Variants in PACRG observed in about 807,000 individuals in gnomAD.
The protein encoded by PACRG is parkin coregulated gene protein.
In PACRG, 29 loss-of-function variants were observed where a neutral mutation model predicts 29.7. The ratio of observed to expected loss-of-function variants is 0.98; its 90% confidence interval spans 0.73 to 1.33. PACRG has a LOEUF of 1.33. Among genes scored for constraint, PACRG ranks in the 40% most tolerant of loss-of-function variants. The pLI, the probability that PACRG is intolerant of heterozygous loss-of-function variation, is 0.00. For synonymous variants in PACRG, 116 were observed against 118.7 expected, an observed-to-expected ratio of 0.98 and a Z score of 0.15; for missense variants, 279 against 316.2, an observed-to-expected ratio of 0.88 and a Z score of 0.89.
chr6:163,148,211 G>T (rs1012299237), intron 4 of PACRG, among the ~76,000 whole-genome samples: 3 of 152,116 alleles, frequency 2.0e-5, no homozygotes, highest in African/African-American at 7.2e-5. Flanking sequence ...GAGCATCCAT[G>T]GCCATTAGAG....
chr6:162,756,740 C>T (rs1186157078), intron 1 of PACRG, among the ~76,000 whole-genome samples: 1 of 151,880 alleles, frequency 6.6e-6, no homozygotes, highest in African/African-American at 2.4e-5. Flanking sequence ...CTCTTGCTAT[C>T]TTTCTTTGTG....
intron 4 of PACRG, among the ~76,000 whole-genome samples, chr6:163,299,924 C>T (rs1017008200): frequency 6.6e-6 from 1 of 152,130 alleles, no homozygotes; most frequent in East Asian, 1.9e-4. Flanking sequence ...GACTGAGGAC[C>T]CACCATCACA....
At chr6:162,883,454 T>C (rs1794069631) in intron 2 of PACRG, among the ~76,000 whole-genome samples, 1 of 152,226 alleles carries the variant, frequency 6.6e-6, no homozygotes, top group South Asian at 2.1e-4. Context: ...AGTTCCCCTT[T>C]CATTCCTCTC....
Position 163,055,339 on chromosome 6 carries a change from CAT to C in PACRG, c.292-6810_292-6809del, listed in dbSNP as rs1422662865. ...ACACATATCCAGGTGTGCACACACA[CAT>C]GCACACACACACGCACACACACGCA... On this transcript the variant is annotated intron_variant, in intron 2 of 4. Transcript: ENST00000366888. The surrounding 1 kb of genome is among the most constrained non-coding windows in gnomAD (Gnocchi z 4.0). Among the ~76,000 whole-genome samples the C allele has an allele frequency of 9.3e-6, 1 of 107,772 alleles. No individual in the cohort carries two copies. The highest frequency in any genetic ancestry group is 3.7e-5 in the African/African-American group (1 of 27,004). The allele number at this position is 107,772 out of a possible 152,430, so 70.7% of individuals were successfully genotyped here.
chr6:162,845,793 A>G (rs1303471591), intron 2 of PACRG, among the ~76,000 whole-genome samples: 1 of 152,212 alleles, frequency 6.6e-6, no homozygotes, highest in East Asian at 1.9e-4. Flanking sequence ...GTTAAAATTA[A>G]TTGCCAGTTT....
At chr6:163,203,608 G>A (rs148983032) in intron 4 of PACRG, among the ~76,000 whole-genome samples, 2 of 152,180 alleles carry the variant, frequency 1.3e-5, no homozygotes, top group Non-Finnish European at 2.9e-5. Flanking sequence ...AGCGCATCAC[G>A]CTGGCAGGGC....
In PACRG at chr6:162,728,004, GC is replaced by G. The variant is rs1278442629; in HGVS notation, c.-231del. On this transcript the variant is annotated 5_prime_UTR_variant, in exon 1 of 5. Coordinates refer to ENST00000366888, the MANE Select transcript of PACRG (RefSeq NM_001080379.2). ...GCAACCGGGAGGCTTACCTTTGGAA[GC>G]TTGTTGCAGCTCTAGCCAAGGTCCT... 1 of 632,680 alleles carries G rather than the reference GC, an allele frequency of 1.6e-6. No individual in the cohort carries two copies. The highest frequency in any genetic ancestry group is 1.8e-5 in the African/African-American group (1 of 54,378). The allele number at this position is 632,680 out of a possible 1,614,324, so 39.2% of individuals were successfully genotyped here. A position where few individuals can be genotyped will look rare whatever the true frequency, so the allele number is the denominator to read the frequency against.
intron 1 of PACRG, among the ~76,000 whole-genome samples, chr6:162,782,738 T>G (rs1042714571): frequency 2.0e-5 from 3 of 151,874 alleles, no homozygotes; most frequent in African/African-American, 7.2e-5. Context: ...TGGACCATAT[T>G]AACTTAATTC....
chr6:162,969,309 G>T (rs937080054), intron 2 of PACRG, among the ~76,000 whole-genome samples: 2 of 151,966 alleles, frequency 1.3e-5, no homozygotes, highest in Non-Finnish European at 2.9e-5. Context: ...TCAAGGGATT[G>T]GTGAGAACCT....
chr6:163,280,270 C>T (rs760184457), intron 4 of PACRG, among the ~76,000 whole-genome samples: 2 of 152,206 alleles, frequency 1.3e-5, no homozygotes, highest in African/African-American at 2.4e-5. Flanking sequence ...CTCCTCTGAA[C>T]GTCCTGCTCT....
intron 2 of PACRG, among the ~76,000 whole-genome samples, chr6:162,985,148 CATA>C (rs1802775484): frequency 1.3e-5 from 2 of 152,030 alleles, no homozygotes; most frequent in Non-Finnish European, 2.9e-5. Context: ...TGGTACCAAT[CATA>C]TTGACACTAT....
At chr6:162,998,613 A>G (rs922965665) in intron 2 of PACRG, among the ~76,000 whole-genome samples, 1 of 152,192 alleles carries the variant, frequency 6.6e-6, no homozygotes, top group Non-Finnish European at 1.5e-5. Context: ...TTTGTTAAGC[A>G]TATGAAATGT....
chr6:163,250,555 G>A (rs1387118143), intron 4 of PACRG, among the ~76,000 whole-genome samples: 2 of 152,166 alleles, frequency 1.3e-5, no homozygotes, highest in African/African-American at 2.4e-5. Context: ...CGATCATATC[G>A]TCAGCAAACA....
At chr6:162,856,357 C>G (rs896511751) in intron 2 of PACRG, among the ~76,000 whole-genome samples, 14 of 152,134 alleles carry the variant, frequency 9.2e-5, no homozygotes, top group Non-Finnish European at 1.8e-4. Context: ...CCGCACCTGG[C>G]CTAAAACTGC....
intron 2 of PACRG, among the ~76,000 whole-genome samples, chr6:162,952,974 A>G (rs1020201470): frequency 6.6e-6 from 1 of 152,224 alleles, no homozygotes; most frequent in African/African-American, 2.4e-5. Flanking sequence ...CTGTATTTCA[A>G]ATATATAAAA....
chr6:162,833,854 TG>T (rs1158513425), intron 2 of PACRG, among the ~76,000 whole-genome samples: 1 of 152,178 alleles, frequency 6.6e-6, no homozygotes, highest in Non-Finnish European at 1.5e-5. Context: ...CCTAAAATTG[TG>T]GTAAAGGCCC....
chr6:163,127,966 T>C (rs1004646376), intron 4 of PACRG, among the ~76,000 whole-genome samples: 2 of 152,266 alleles, frequency 1.3e-5, no homozygotes, highest in Non-Finnish European at 2.9e-5. Flanking sequence ...ATATGTACTA[T>C]GTATTTTTAA....
chr6:163,245,676 T>A (rs1241849263), intron 4 of PACRG, among the ~76,000 whole-genome samples: 1 of 152,028 alleles, frequency 6.6e-6, no homozygotes, highest in Non-Finnish European at 1.5e-5. Flanking sequence ...TTGACACCCC[T>A]CTCCCCACCA....
chr6:162,865,973 C>T (rs1379732334), intron 2 of PACRG, among the ~76,000 whole-genome samples: 1 of 151,920 alleles, frequency 6.6e-6, no homozygotes, highest in African/African-American at 2.4e-5. Context: ...CCAGAGATAC[C>T]CATGTTTTCT....
Sources: allele counts gnomAD v4.1 joint callset (sites outside exome capture counted in the v4.1 genomes callset), GRCh38; gene constraint gnomAD v4.1.1; non-coding constraint Gnocchi (gnomAD v3.1); transcripts MANE v1.5; gene names NCBI Gene and HGNC (gene_info 2026-07-23, HGNC 2026-07-21).